XPC: variants seen among roughly 807,000 people sequenced by gnomAD.
The protein encoded by XPC is XPC complex subunit, DNA damage recognition and repair factor.
XPC carries 76 observed loss-of-function variants against 95.8 expected under a neutral mutation model. The observed-to-expected ratio is 0.79, with a 90% CI of 0.66 to 0.96. The LOEUF (loss-of-function observed/expected upper bound fraction) is 0.96. XPC is among the 40% of genes least tolerant of loss of function. The pLI is 0.00. For missense variants in XPC, 1,146 were observed against 1,179.8 expected, an observed-to-expected ratio of 0.97 and a Z score of 0.42; for synonymous variants, 442 against 442.1, an observed-to-expected ratio of 1.00 and a Z score of 0.00.
intron 15 of XPC, among the ~76,000 whole-genome samples, chr3:14,146,609 G>A (rs1695447763): frequency 1.3e-5 from 2 of 152,194 alleles, no homozygotes; most frequent in African/African-American, 2.4e-5. Context: ...GGATGGAGAA[G>A]GCGGCAAGGA....
intron 9 of XPC, among the ~76,000 whole-genome samples, chr3:14,157,155 G>A (rs1286228019): frequency 3.9e-5 from 6 of 152,238 alleles, no homozygotes; most frequent in East Asian, 1.9e-4. Flanking sequence ...GGTTAGTTAC[G>A]ATACCATCTG....
At position 14,148,884 on chromosome 3, in the gene XPC, T is replaced by C. The variant is rs767433039; in HGVS notation, c.2180A>G (p.Glu727Gly). 4.3e-6 allele frequency: 7 copies of C among 1,613,906 alleles called. No homozygotes were observed. The highest frequency in any genetic ancestry group is 1.7e-5 in the Admixed American group (1 of 60,004). Residue 727 changes from glutamate to glycine, a missense_variant, in exon 12 of 16, where the codon GAA becomes GGA. Coordinates refer to ENST00000285021, the MANE Select transcript of XPC (RefSeq NM_004628.5). The part of the protein sequence containing the change: ...ARLAEPQLRE[E>G]NDLGLFGYWQ... ...GTAGCCAAACAGGCCCAGGTCATTT[T>C]CTTCCCGCAGCTGGGGCTCAGCAAG...
Position 14,158,636 on chromosome 3 carries a change from C to T in XPC, c.1247G>A (p.Arg416His), listed in dbSNP as rs200157068. ...CACCCGCCGCTCCCGGCCATGCGGA[C>T]GTCGCTGGGTTGCCTTCTCCTGCTT... Reference protein sequence around the residue: ...GDKQEKATQRRPHGRERRVAS... With the variant: ...GDKQEKATQRHPHGRERRVAS... The change falls in exon 9 of 16, where the codon CGT becomes CAT. Residue 416 changes from arginine to histidine, a missense_variant. Arg to His is a conservative substitution (Grantham distance 29). Coordinates refer to ENST00000285021, the MANE Select transcript of XPC (RefSeq NM_004628.5). This position sits in a 1 kb window ranked among gnomAD's most constrained non-coding sequence, Gnocchi z 5.2. The T allele has an allele frequency of 3.1e-6, 5 of 1,613,910 alleles. No homozygotes were observed. Among genetic ancestry groups the T allele is most frequent in the Admixed American group, 3.3e-5 (2 of 60,026 alleles).
chr3:14,146,189 A>T, intron 15 of XPC, 30 bp from the exon 16 acceptor site: 1 of 1,575,118 alleles, frequency 6.3e-7, no homozygotes, highest in Non-Finnish European at 8.6e-7. Flanking sequence ...GGGAGGACAC[A>T]GGCGAGGGTT....
chr3:14,147,188 C>A, intron 15 of XPC, 102 bp downstream of exon 15: 1 of 1,236,142 alleles, frequency 8.1e-7, no homozygotes, highest in Admixed American at 2.3e-5. Flanking sequence ...CAAAGCTATC[C>A]CTGACTTGAG....
intron 3 of XPC, among the ~76,000 whole-genome samples, chr3:14,170,131 G>C (rs1015628511): frequency 1.3e-5 from 2 of 152,212 alleles, no homozygotes; most frequent in African/African-American, 2.4e-5. Flanking sequence ...AAGTGGCAAA[G>C]TTGAGCACTG....
intron 2 of XPC, 49 bp from the exon 3 acceptor site, chr3:14,170,599 G>A (rs375535102): frequency 7.0e-7 from 1 of 1,430,644 alleles, no homozygotes; most frequent in South Asian, 1.3e-5. Context: ...AGACATCCTA[G>A]TGTTCCATTC....
rs1007323777 is a variant in XPC at position 14,145,439 on chromosome 3, A to C, written c.*502T>G. ...AGAGGCAGTGAGGGCAGCATTAGTA[A>C]GCCTGACTCAGGGGAAGGTAAGTGG... On this transcript the variant is annotated 3_prime_UTR_variant, in exon 16 of 16. Transcript: ENST00000285021. 1.4e-6 allele frequency: 1 copy of C among 695,458 alleles called. No individual in the cohort carries two copies. The highest frequency in any genetic ancestry group is 1.5e-5 in the South Asian group (1 of 67,392). The allele number at this position is 695,458 out of a possible 1,614,324, so 43.1% of individuals were successfully genotyped here.
At position 14,158,882 on chromosome 3, in the gene XPC, G is replaced by A. The variant is rs74737358; in HGVS notation, c.1001C>T (p.Pro334Leu). 1.2e-6 allele frequency: 2 copies of A among 1,613,868 alleles called. No homozygotes were observed. The highest frequency in any genetic ancestry group is 2.2e-5 in the South Asian group (2 of 91,072). The change falls in exon 9 of 16, where the codon CCT becomes CTT. Residue 334 changes from proline to leucine, a missense_variant. Transcript: ENST00000285021. This position sits in a 1 kb window ranked among gnomAD's most constrained non-coding sequence, Gnocchi z 5.2. Reference sequence around the variant, plus strand: ...ATCCGCAGTCAATCTTTCCTTGGAAGGTTTCTTTCCCTTAAACAGAATAAG... The same window carrying A: ...ATCCGCAGTCAATCTTTCCTTGGAAAGTTTCTTTCCCTTAAACAGAATAAG... ...LKSATAKGKK[P>L]SKERLTADPG... is the part of the protein sequence containing the mutation.
At chr3:14,160,719 CG>C (rs1452683277) in intron 7 of XPC, among the ~76,000 whole-genome samples, 3 of 152,150 alleles carry the variant, frequency 2.0e-5, no homozygotes, top group Non-Finnish European at 4.4e-5. Context: ...AGTGAGAAAA[CG>C]TGGAAAATCC....
In XPC at chr3:14,175,117, T is replaced by C. The variant is rs73815311; in HGVS notation, c.104-2055A>G. Among the ~76,000 whole-genome samples, 526 of 152,270 alleles carry C rather than the reference T, an allele frequency of 3.5e-3. 3 individuals carry two copies. Among genetic ancestry groups the C allele is most frequent in the African/African-American group, 0.012 (491 of 41,552 alleles). On this transcript the variant is annotated intron_variant, in intron 1 of 15. Coordinates refer to ENST00000285021, the MANE Select transcript of XPC (RefSeq NM_004628.5). ...AGCTCAGGCCCTTGCTCACTTCTCC[T>C]ACCCAGCCCCTCGCTCGCTGTGTCC... is the stretch of plus-strand genomic sequence containing the variant.
intron 8 of XPC, among the ~76,000 whole-genome samples, 151 bp from the exon 9 acceptor site, chr3:14,159,043 C>A (rs1312008080): frequency 2.0e-5 from 3 of 152,112 alleles, no homozygotes; most frequent in Non-Finnish European, 4.4e-5. Context: ...AACCAGCTAT[C>A]CTTCAGGGTT....
chr3:14,167,288 G>C (rs994785896), intron 4 of XPC, 35 bp from the exon 5 acceptor site: 12 of 1,579,510 alleles, frequency 7.6e-6, no homozygotes, highest in Non-Finnish European at 1.0e-5. Context: ...GGAATGAAGG[G>C]GGGAACTGAA....
intron 4 of XPC, among the ~76,000 whole-genome samples, chr3:14,167,941 T>C (rs1175962596): frequency 1.3e-5 from 2 of 152,202 alleles, no homozygotes; most frequent in East Asian, 3.9e-4. Context: ...TGAGTGACTC[T>C]TGAAACGTTA....
At chr3:14,159,126 A>G (rs1696064881) in intron 8 of XPC, among the ~76,000 whole-genome samples, 1 of 152,200 alleles carries the variant, frequency 6.6e-6, no homozygotes, top group African/African-American at 2.4e-5. Context: ...CCCTAACTGT[A>G]AAGAGAAAAG....
chr3:14,171,964 C>T (rs977444724), intron 2 of XPC, among the ~76,000 whole-genome samples: 2 of 152,100 alleles, frequency 1.3e-5, no homozygotes, highest in African/African-American at 4.8e-5. Context: ...TCTCCCATCC[C>T]AGGACTAGAG....
intron 8 of XPC, 150 bp from the exon 9 acceptor site, chr3:14,159,042 T>A: frequency 1.9e-6 from 2 of 1,040,126 alleles, no homozygotes; most frequent in Non-Finnish European, 2.8e-6. Flanking sequence ...CAACCAGCTA[T>A]CCTTCAGGGT....
intron 8 of XPC, among the ~76,000 whole-genome samples, chr3:14,159,510 A>G (rs1696079558): frequency 6.6e-6 from 1 of 152,108 alleles, no homozygotes; most frequent in Non-Finnish European, 1.5e-5. Flanking sequence ...ACAGAACAAA[A>G]GCAGCACTGG....
rs768945634 is a variant in XPC, at chr3:14,168,388, C to G, written c.413-8G>C. Reference sequence around the variant, plus strand: ...GCACAGGCTCACTAAGTTCTATCAACAAGCATTTTTAAAAATCAGTAATAG... The same window carrying G: ...GCACAGGCTCACTAAGTTCTATCAAGAAGCATTTTTAAAAATCAGTAATAG... On this transcript the variant is annotated splice_polypyrimidine_tract_variant and splice_region_variant and intron_variant, in intron 3 of 15. Transcript: ENST00000285021. 3.7e-6 allele frequency: 6 copies of G among 1,613,584 alleles called. No homozygotes were observed. The East Asian group carries it at 1.3e-4, about 36-fold the overall frequency.
Sources: gnomAD v4.1 joint callset for allele counts (sites outside exome capture counted in the v4.1 genomes callset) on GRCh38, gnomAD v4.1.1 for gene constraint, Gnocchi (gnomAD v3.1) non-coding constraint, MANE v1.5 for transcripts, NCBI Gene and HGNC (gene_info 2026-07-23, HGNC 2026-07-21) for gene names.